The following FAM81A variants were observed in gnomAD, a reference collection of about 807,000 sequenced individuals.
FAM81A encodes the protein family with sequence similarity 81 member A.
In FAM81A, 19 loss-of-function variants were observed where a neutral mutation model predicts 46.7. The ratio of observed to expected loss-of-function variants is 0.41; its 90% CI spans 0.28 to 0.60. The LOEUF (loss-of-function observed/expected upper bound fraction) is 0.60, where lower values mean the gene tolerates loss of function less well. Ranked by LOEUF, FAM81A falls within the 20% of genes least tolerant of loss-of-function variation. FAM81A has a pLI of 0.34. For synonymous variants in FAM81A, 183 were observed against 152.9 expected (o/e 1.20, Z -1.45); for missense variants, 377 against 453.5 (o/e 0.83, Z 1.53).
chr15:59,421,252 G>GAGCTC (rs1218758849), intron 2 of FAM81A, among the ~76,000 whole-genome samples: 3 of 152,210 alleles, frequency 2.0e-5, no homozygotes, highest in Admixed American at 6.5e-5. Flanking sequence ...GGTAGAATTG[G>GAGCTC]AGCTCAGTGG....
In FAM81A at chr15:59,458,636, A is replaced by T; in HGVS notation, c.10A>T (p.Met4Leu). The T allele has an allele frequency of 6.2e-7, 1 of 1,613,878 alleles. No individual in the cohort carries two copies. The highest frequency in any genetic ancestry group is 8.5e-7 in the Non-Finnish European group (1 of 1,179,750). MEN[M>L]HLRRVRTMPR... ...AGGAAAGGTATAATATATGGAAAAT[A>T]TGCATCTAAGGTATACTTTTCCTTT... The change falls in exon 2 of 9, where the codon ATG becomes TTG. Residue 4 changes from methionine (M) to leucine (L), a missense_variant. Met to Leu is a conservative substitution (Grantham distance 15). Transcript: ENST00000288228.
chr15:59,400,417 A>G (rs1248100415), intron 1 of FAM81A, among the ~76,000 whole-genome samples: 1 of 152,124 alleles, frequency 6.6e-6, no homozygotes, highest in Non-Finnish European at 1.5e-5. Context: ...TCTCCCGATC[A>G]TAGCAGTGGT....
At chr15:59,477,500 G>T (rs2081787482) in intron 3 of FAM81A, among the ~76,000 whole-genome samples, 1 of 152,120 alleles carries the variant, frequency 6.6e-6, no homozygotes. Flanking sequence ...ACTGTATCTT[G>T]GCAAATTTGC....
exon 2 of FAM81A, chr15:59,402,290 T>C (rs1213705603): frequency 6.4e-6 from 1 of 157,106 alleles, no homozygotes; most frequent in Non-Finnish European, 1.4e-5. Flanking sequence ...AGAACATTTC[T>C]GCCTTCAACT....
intron 5 of FAM81A, among the ~76,000 whole-genome samples, chr15:59,507,851 A>G (rs2082165847): frequency 6.6e-6 from 1 of 152,194 alleles, no homozygotes; most frequent in Non-Finnish European, 1.5e-5. Flanking sequence ...CACAAAGCAA[A>G]ACTTTTGGCA....
intron 1 of FAM81A, chr15:59,439,923 G>A (rs1266664849): frequency 3.3e-5 from 5 of 152,202 alleles, no homozygotes; most frequent in African/African-American, 1.2e-4. Context: ...GTATCCTGCA[G>A]CCACACTCTT....
chr15:59,506,431 G>T (rs7176102), intron 4 of FAM81A, among the ~76,000 whole-genome samples: 4,294 of 152,144 alleles, frequency 0.028, 210 homozygotes, highest in African/African-American at 0.099. Flanking sequence ...TGAAGATGGA[G>T]TGCTGTTCTA....
intron 4 of FAM81A, among the ~76,000 whole-genome samples, chr15:59,505,761 G>A (rs893975994): frequency 1.3e-5 from 2 of 152,144 alleles, no homozygotes; most frequent in Non-Finnish European, 2.9e-5. Flanking sequence ...TGACGTCTGG[G>A]AAGTATAGTT....
intron 7 of FAM81A, among the ~76,000 whole-genome samples, 188 bp downstream of exon 7, chr15:59,514,612 T>C (rs2082247740): frequency 6.6e-6 from 1 of 152,236 alleles, no homozygotes; most frequent in Admixed American, 6.5e-5. Flanking sequence ...TCTGACTTGT[T>C]TTGGTTAACA....
chr15:59,508,796 A>G (rs2082175218), intron 5 of FAM81A, 67 bp from the exon 6 acceptor site: 4 of 1,159,784 alleles, frequency 3.4e-6, no homozygotes, highest in African/African-American at 3.1e-5. Context: ...ATGGCTTACT[A>G]AATGTTTTCT....
At chr15:59,422,601 G>A (rs1445104390) in intron 2 of FAM81A, among the ~76,000 whole-genome samples, 2 of 151,334 alleles carry the variant, frequency 1.3e-5, no homozygotes, top group African/African-American at 2.4e-5. Flanking sequence ...CTCAGCCTCC[G>A]AAGTAGCTGG....
At chr15:59,420,320 C>A (rs559175143) in intron 2 of FAM81A, among the ~76,000 whole-genome samples, 1 of 152,212 alleles carries the variant, frequency 6.6e-6, no homozygotes, top group Non-Finnish European at 1.5e-5. Context: ...CCACTGTAAC[C>A]ATATGTAGGC....
At chr15:59,412,799 G>A (rs2081127959) in intron 2 of FAM81A, among the ~76,000 whole-genome samples, 1 of 152,016 alleles carries the variant, frequency 6.6e-6, no homozygotes, top group Non-Finnish European at 1.5e-5. Flanking sequence ...AGTGGCCCGA[G>A]GGAAACTCTG....
chr15:59,444,634 C>T (rs1203634731), intron 1 of FAM81A, among the ~76,000 whole-genome samples: 1 of 152,202 alleles, frequency 6.6e-6, no homozygotes, highest in Non-Finnish European at 1.5e-5. Flanking sequence ...TCTCTCTCCT[C>T]TGCTGTCCTT....
intron 3 of FAM81A, among the ~76,000 whole-genome samples, chr15:59,491,114 C>T (rs939283279): frequency 2.0e-5 from 3 of 152,106 alleles, no homozygotes; most frequent in Admixed American, 6.6e-5. Flanking sequence ...TCTGCACTCC[C>T]GTGTTTATTG....
At chr15:59,506,490 G>A (rs527363777) in intron 4 of FAM81A, among the ~76,000 whole-genome samples, 1 of 152,308 alleles carries the variant, frequency 6.6e-6, no homozygotes, top group South Asian at 2.1e-4. Context: ...CGATTGCAGA[G>A]TCACCTAATG....
intron 6 of FAM81A, among the ~76,000 whole-genome samples, chr15:59,513,168 A>G (rs1256083269): frequency 6.6e-6 from 1 of 152,202 alleles, no homozygotes; most frequent in Non-Finnish European, 1.5e-5. Flanking sequence ...GTTATAAGGA[A>G]TTTGGGAAGG....
chr15:59,452,034 T>C (rs2081425070), intron 1 of FAM81A, among the ~76,000 whole-genome samples: 1 of 152,218 alleles, frequency 6.6e-6, no homozygotes, highest in Non-Finnish European at 1.5e-5. Context: ...ATTGAACTAG[T>C]ATGATGAGTG....
At chr15:59,479,097 G>A (rs1012262429) in intron 3 of FAM81A, among the ~76,000 whole-genome samples, 5 of 152,188 alleles carry the variant, frequency 3.3e-5, no homozygotes, top group African/African-American at 1.2e-4. Context: ...TCTGATCTTC[G>A]CCCTGCTGCA....
Sources: allele counts gnomAD v4.1 joint callset (sites outside exome capture counted in the v4.1 genomes callset), GRCh38; gene constraint gnomAD v4.1.1; transcripts MANE v1.5; gene names NCBI Gene and HGNC (gene_info 2026-07-23, HGNC 2026-07-21).